Variants in SNX27 observed in about 807,000 individuals in gnomAD.
SNX27 encodes sorting nexin 27.
In SNX27, 22 loss-of-function variants were observed where a neutral mutation model predicts 71.6. The observed-to-expected ratio is 0.31, with a 90% CI of 0.22 to 0.44. SNX27 has a LOEUF of 0.44. Among genes scored for constraint, SNX27 ranks in the 20% least tolerant of loss-of-function variants. The pLI, the probability that SNX27 is intolerant of heterozygous loss-of-function variation, is 1.00. For synonymous variants in SNX27, 269 were observed against 277.2 expected (o/e 0.97, Z 0.29); for missense variants, 531 against 698.6 (o/e 0.76, Z 2.70).
intron 8 of SNX27, among the ~76,000 whole-genome samples, chr1:151,688,950 A>G (rs1045541157): frequency 1.3e-5 from 2 of 152,142 alleles, no homozygotes; most frequent in Admixed American, 6.5e-5. Context: ...TTGTCTTCCA[A>G]TGAGACTTTA....
At chr1:151,629,886 C>CAT (rs1011850051) in intron 1 of SNX27, among the ~76,000 whole-genome samples, 27 of 151,098 alleles carry the variant, frequency 1.8e-4, no homozygotes, top group African/African-American at 4.6e-4. Flanking sequence ...GCCACTGTTC[C>CAT]ATATATATAT....
intron 7 of SNX27, among the ~76,000 whole-genome samples, chr1:151,681,121 T>A (rs1483421417): frequency 6.6e-6 from 1 of 152,122 alleles, no homozygotes; most frequent in Admixed American, 6.6e-5. Context: ...ATCTGTCATC[T>A]TTTTCTTGTA....
intron 2 of SNX27, among the ~76,000 whole-genome samples, chr1:151,642,834 G>A (rs1668839187): frequency 6.6e-6 from 1 of 152,042 alleles, no homozygotes; most frequent in African/African-American, 2.4e-5. Flanking sequence ...TAGAGACGGG[G>A]TTTCACTGTG....
At chr1:151,680,732 A>G (rs1474565289) in intron 7 of SNX27, among the ~76,000 whole-genome samples, 1 of 152,224 alleles carries the variant, frequency 6.6e-6, no homozygotes, top group Non-Finnish European at 1.5e-5. Context: ...GCTAAATAAC[A>G]CTGTAAGTTT....
At chr1:151,619,445 G>A (rs1028030556) in intron 1 of SNX27, among the ~76,000 whole-genome samples, 1 of 152,058 alleles carries the variant, frequency 6.6e-6, no homozygotes, top group Admixed American at 6.6e-5. Flanking sequence ...GACCATAGGC[G>A]TATGCCACCA....
At chr1:151,667,176 G>C (rs528265986) in intron 6 of SNX27, 1 of 142,546 alleles carries the variant, frequency 7.0e-6, no homozygotes, top group South Asian at 2.3e-4. Context: ...TTGAGCCTAG[G>C]AGGTTAAGGC....
chr1:151,669,956 C>T (rs1321125537), intron 7 of SNX27, among the ~76,000 whole-genome samples: 1 of 152,118 alleles, frequency 6.6e-6, no homozygotes, highest in Non-Finnish European at 1.5e-5. Context: ...TATAGTCACC[C>T]TATTGTGCTA....
intron 2 of SNX27, among the ~76,000 whole-genome samples, chr1:151,657,197 A>T (rs1449707767): frequency 6.6e-6 from 1 of 152,180 alleles, no homozygotes; most frequent in South Asian, 2.1e-4. Context: ...TTTTTGAGAC[A>T]GTGTGTCCTT....
In SNX27 at chr1:151,664,611, G is replaced by T. The variant is rs111887855; in HGVS notation, c.907-1322G>T. Among the ~76,000 whole-genome samples the T allele has an allele frequency of 3.8e-3, 582 of 152,068 alleles. 6 individuals carry two copies. The highest frequency in any genetic ancestry group is 0.013 in the African/African-American group (521 of 41,510). On this transcript the variant is annotated intron_variant, in intron 5 of 11. Coordinates refer to ENST00000458013, the MANE Select transcript of SNX27 (RefSeq NM_001330723.2). ...ATCCTAACTTGATCAGAATTTTCAGGGAGACAAGCAGGTTTCTGGGTACTA... is the reference window on the plus strand; with the variant it reads ...ATCCTAACTTGATCAGAATTTTCAGTGAGACAAGCAGGTTTCTGGGTACTA...
rs370418916 is a variant in SNX27 at position 151,612,925 on chromosome 1, C to T, written c.311+413C>T. Among the ~76,000 whole-genome samples, 2 of 152,020 alleles carry T rather than the reference C, an allele frequency of 1.3e-5. No individual in the cohort carries two copies. The highest frequency in any genetic ancestry group is 2.9e-5 in the Non-Finnish European group (2 of 68,026). On this transcript the variant is annotated intron_variant, in intron 1 of 11. Transcript: ENST00000458013. The surrounding 1 kb of genome is among the most constrained non-coding windows in gnomAD (Gnocchi z 5.2). ...CTGATCCAGCCAGTACCGTGTCCCCCCCAAGTTCTCATCTTCAGCATCGCA... is the reference window on the plus strand; with the variant it reads ...CTGATCCAGCCAGTACCGTGTCCCCTCCAAGTTCTCATCTTCAGCATCGCA...
chr1:151,664,468 C>A (rs1487259357), intron 5 of SNX27, among the ~76,000 whole-genome samples: 2 of 151,852 alleles, frequency 1.3e-5, no homozygotes, highest in African/African-American at 2.4e-5. Context: ...CCCTAGATAT[C>A]TAGAATAGGA....
chr1:151,656,816 ATGT>A (rs920033836), intron 2 of SNX27, among the ~76,000 whole-genome samples: 2 of 152,222 alleles, frequency 1.3e-5, no homozygotes, highest in African/African-American at 2.4e-5. Flanking sequence ...AAGACATATA[ATGT>A]TGTGATGAAA....
chr1:151,641,640 CATAT>C (rs1181862381), intron 2 of SNX27, among the ~76,000 whole-genome samples: 3 of 80,058 alleles, frequency 3.7e-5, no homozygotes, highest in Non-Finnish European at 8.0e-5. Flanking sequence ...TCATATGTAT[CATAT>C]ATATATCATA....
At chr1:151,692,862 G>A in intron 9 of SNX27, 49 bp from the exon 10 acceptor site, 2 of 1,611,938 alleles carry the variant, frequency 1.2e-6, no homozygotes, top group Non-Finnish European at 8.5e-7. Context: ...CAGTTCCCCA[G>A]CACTCTGAAA....
At chr1:151,693,674 G>T in intron 11 of SNX27, 191 bp downstream of exon 11, 1 of 1,611,918 alleles carries the variant, frequency 6.2e-7, no homozygotes, top group Non-Finnish European at 8.5e-7. Context: ...TGAACGGGCT[G>T]TGCAAAAAAG....
At chr1:151,641,966 T>TATATATATCAGATATAGATATATATGAG (rs1558047114) in intron 2 of SNX27, among the ~76,000 whole-genome samples, 335 of 21,736 alleles carry the variant, frequency 0.015, 45 homozygotes, top group African/African-American at 0.044. Flanking sequence ...ATATATGAGA[T>TATATATATCAGATATAGATATATATGAG]ATATATATAT....
At chr1:151,646,886 C>CACAG (rs1191440452) in intron 2 of SNX27, among the ~76,000 whole-genome samples, 2 of 150,428 alleles carry the variant, frequency 1.3e-5, no homozygotes, top group African/African-American at 2.4e-5. Flanking sequence ...GACACAGACA[C>CACAG]ACACACACAC....
intron 2 of SNX27, among the ~76,000 whole-genome samples, chr1:151,644,564 T>C (rs577136691): frequency 3.9e-5 from 6 of 152,216 alleles, no homozygotes; most frequent in Non-Finnish European, 8.8e-5. Context: ...TTATGAATAA[T>C]GCTGTTATGA....
intron 2 of SNX27, among the ~76,000 whole-genome samples, chr1:151,651,224 C>T (rs1305583986): frequency 1.3e-4 from 19 of 148,974 alleles, no homozygotes; most frequent in South Asian, 4.3e-4. Flanking sequence ...GCTGGCCGGG[C>T]GGGGGGCTGA....
Sources: allele counts gnomAD v4.1 joint callset (sites outside exome capture counted in the v4.1 genomes callset), GRCh38; gene constraint gnomAD v4.1.1; non-coding constraint Gnocchi (gnomAD v3.1); transcripts MANE v1.5; gene names NCBI Gene and HGNC (gene_info 2026-07-23, HGNC 2026-07-21).